The following GLRA3 variants were observed in gnomAD, a reference collection of about 807,000 sequenced individuals.
GLRA3 encodes the protein glycine receptor alpha 3.
In GLRA3, 44 loss-of-function variants were observed where a neutral mutation model predicts 60.4. That is an observed-to-expected ratio of 0.73 (90% CI 0.57 to 0.94). The LOEUF is 0.94. Among genes scored for constraint, GLRA3 ranks in the 40% least tolerant of loss-of-function variants. The probability of loss-of-function intolerance (pLI) is 0.00; values close to 1 mark genes in which losing one functional copy is unlikely to be tolerated. For synonymous variants in GLRA3, 223 were observed against 192.9 expected (o/e 1.16, Z -1.29); for missense variants, 508 against 564.6 (o/e 0.90, Z 1.02).
In GLRA3 at chr4:174,643,686, T is replaced by C; in HGVS notation, c.*100A>G. ...TCCATATGCCATTTTAATACAATGGTCATCATTTGTATACCACACGCACAC... is the reference window on the plus strand; with the variant it reads ...TCCATATGCCATTTTAATACAATGGCCATCATTTGTATACCACACGCACAC... On this transcript the variant is annotated 3_prime_UTR_variant, in exon 10 of 10. Coordinates refer to ENST00000274093, the MANE Select transcript of GLRA3 (RefSeq NM_006529.4). The C allele has an allele frequency of 2.8e-6, 4 of 1,444,956 alleles. No homozygotes were observed. The highest frequency in any genetic ancestry group is 1.4e-5 in the African/African-American group (1 of 70,948). The allele number at this position is 1,444,956 out of a possible 1,614,324, so 89.5% of individuals were successfully genotyped here.
intron 9 of GLRA3, among the ~76,000 whole-genome samples, chr4:174,654,322 A>C (rs902263895): frequency 6.7e-6 from 1 of 150,212 alleles, no homozygotes; most frequent in Non-Finnish European, 1.5e-5. Flanking sequence ...AGCTATCATG[A>C]ATTATTTTTA....
chr4:174,772,036 C>T (rs1738410047), intron 2 of GLRA3, among the ~76,000 whole-genome samples: 1 of 152,064 alleles, frequency 6.6e-6, no homozygotes, highest in Non-Finnish European at 1.5e-5. Context: ...TGTTAGGTAC[C>T]GTCTTTGGAG....
intron 1 of GLRA3, among the ~76,000 whole-genome samples, chr4:174,821,734 A>G (rs1198212098): frequency 6.6e-6 from 1 of 152,266 alleles, no homozygotes; most frequent in Admixed American, 6.5e-5. Context: ...TCGGTTTTTC[A>G]TGGGGCAAAG....
At chr4:174,721,819 G>A (rs1736141623) in intron 4 of GLRA3, among the ~76,000 whole-genome samples, 1 of 151,096 alleles carries the variant, frequency 6.6e-6, no homozygotes, top group Non-Finnish European at 1.5e-5. Flanking sequence ...AAAAATATGT[G>A]TGTGTATATA....
At chr4:174,757,084 G>C (rs540316983) in intron 3 of GLRA3, among the ~76,000 whole-genome samples, 1 of 152,250 alleles carries the variant, frequency 6.6e-6, no homozygotes, top group South Asian at 2.1e-4. Flanking sequence ...AGAGGGATTG[G>C]AAAGGAAAAA....
intron 5 of GLRA3, among the ~76,000 whole-genome samples, chr4:174,700,480 T>C (rs1346549727): frequency 6.6e-6 from 1 of 152,176 alleles, no homozygotes; most frequent in Non-Finnish European, 1.5e-5. Context: ...TACCTCCCTA[T>C]ATGATGGCAA....
At chr4:174,811,007 C>T (rs1184646453) in intron 1 of GLRA3, among the ~76,000 whole-genome samples, 1 of 151,938 alleles carries the variant, frequency 6.6e-6, no homozygotes, top group East Asian at 1.9e-4. Flanking sequence ...TGCAAAAAGA[C>T]TTCCTCCCTA....
intron 2 of GLRA3, among the ~76,000 whole-genome samples, chr4:174,779,229 T>G (rs1303387663): frequency 6.6e-6 from 1 of 152,128 alleles, no homozygotes; most frequent in Non-Finnish European, 1.5e-5. Context: ...GGCAGGGTAC[T>G]CCAACAGACC....
At chr4:174,748,547 G>A (rs1267007586) in intron 3 of GLRA3, among the ~76,000 whole-genome samples, 1 of 152,156 alleles carries the variant, frequency 6.6e-6, no homozygotes, top group Admixed American at 6.5e-5. Context: ...TACATTGAGT[G>A]TGGTCCTGGA....
chr4:174,720,256 A>G (rs1736082494), intron 4 of GLRA3, among the ~76,000 whole-genome samples: 1 of 152,184 alleles, frequency 6.6e-6, no homozygotes, highest in Non-Finnish European at 1.5e-5. Context: ...TACAAGTGAC[A>G]AAACTGAGGC....
Position 174,637,508 on chromosome 4 carries a change from C to A in GLRA3, c.*6278G>T, listed in dbSNP as rs544391456. On this transcript the variant is annotated 3_prime_UTR_variant, in exon 10 of 10. Transcript: ENST00000274093. ...AGCATATTCAAGTACAATTTTACAT[C>A]TGAATCCTTTCCTGCCATTTAAGTC... 1.3e-5 allele frequency: 2 copies of A among 152,268 alleles called. No homozygotes were observed. Among genetic ancestry groups the A allele is most frequent in the South Asian group, 4.1e-4 (2 of 4,826 alleles). 9.4% of individuals were successfully genotyped at this position (152,268 alleles called of 1,614,324 possible).
At chr4:174,785,444 T>A (rs908094942) in intron 2 of GLRA3, among the ~76,000 whole-genome samples, 56 of 152,200 alleles carry the variant, frequency 3.7e-4, no homozygotes, top group African/African-American at 1.4e-3. Context: ...GCTGGAACAT[T>A]TCTTATTTTT....
chr4:174,715,423 G>A (rs1480614632), intron 5 of GLRA3, 65 bp downstream of exon 5: 1 of 767,368 alleles, frequency 1.3e-6, no homozygotes, highest in African/African-American at 1.8e-5. Flanking sequence ...ATCCATATTA[G>A]GCATTAAAAG....
At chr4:174,711,362 T>C (rs1194998070) in intron 5 of GLRA3, among the ~76,000 whole-genome samples, 1 of 151,242 alleles carries the variant, frequency 6.6e-6, no homozygotes, top group Non-Finnish European at 1.5e-5. Context: ...CTGTTTTTTA[T>C]GCAGTTCATC....
chr4:174,768,563 A>G (rs1248509728), intron 2 of GLRA3, among the ~76,000 whole-genome samples: 1 of 152,140 alleles, frequency 6.6e-6, no homozygotes, highest in African/African-American at 2.4e-5. Flanking sequence ...ACACAAAAAG[A>G]TTATCATCTA....
In GLRA3 at chr4:174,753,240, T is replaced by C. The variant is rs908844479; in HGVS notation, c.267+13723A>G. ...TTTGAATCCTTCTGAAGCATTTAGTTGGCTTGTTGTTTTGTGGGTAACCTG... is the reference window on the plus strand; with the variant it reads ...TTTGAATCCTTCTGAAGCATTTAGTCGGCTTGTTGTTTTGTGGGTAACCTG... On this transcript the variant is annotated intron_variant, in intron 3 of 9. Coordinates refer to ENST00000274093, the MANE Select transcript of GLRA3 (RefSeq NM_006529.4). Among the ~76,000 whole-genome samples, 10 of 152,276 alleles carry C rather than the reference T, an allele frequency of 6.6e-5. No individual in the cohort carries two copies. In the East Asian group the frequency reaches 1.9e-3, roughly 29 times the overall value.
chr4:174,771,842 T>C (rs1738403980), intron 2 of GLRA3, among the ~76,000 whole-genome samples: 1 of 152,176 alleles, frequency 6.6e-6, no homozygotes, highest in African/African-American at 2.4e-5. Flanking sequence ...GTCTTTTAAA[T>C]TTAATTAGTT....
chr4:174,707,472 G>A (rs1438100976), intron 5 of GLRA3, among the ~76,000 whole-genome samples: 1 of 152,050 alleles, frequency 6.6e-6, no homozygotes, highest in African/African-American at 2.4e-5. Context: ...TATCTCTAAT[G>A]TATGTGTCAT....
intron 5 of GLRA3, among the ~76,000 whole-genome samples, chr4:174,683,782 G>C (rs1022554326): frequency 2.0e-5 from 3 of 152,150 alleles, no homozygotes; most frequent in Non-Finnish European, 2.9e-5. Context: ...CATGTAGATA[G>C]CATTTATTTC....
Sources: gnomAD v4.1 joint callset for allele counts (sites outside exome capture counted in the v4.1 genomes callset) on GRCh38, gnomAD v4.1.1 for gene constraint, MANE v1.5 for transcripts, NCBI Gene and HGNC (gene_info 2026-07-23, HGNC 2026-07-21) for gene names.